The following DHX38 variants were observed in gnomAD, a reference collection of about 807,000 sequenced individuals.
DHX38 encodes the protein DEAH-box helicase 38.
A neutral mutation model predicts 153.1 loss-of-function variants in DHX38; 100 were observed. The observed-to-expected ratio is 0.65, with a 90% CI of 0.56 to 0.77. The LOEUF is 0.77. DHX38 is among the 30% of genes least tolerant of loss of function. The probability of loss-of-function intolerance (pLI) is 0.00; values close to 1 mark genes in which losing one functional copy is unlikely to be tolerated. For missense variants in DHX38, 1,440 were observed against 1,654.0 expected, an observed-to-expected ratio of 0.87 and a Z score of 2.24; for synonymous variants, 650 against 631.7, an observed-to-expected ratio of 1.03 and a Z score of -0.43.
At position 72,108,029 on chromosome 16, in the gene DHX38, A is replaced by G. The variant is rs540653842; in HGVS notation, c.2965-198A>G. Among the ~76,000 whole-genome samples, 6 of 152,174 alleles carry G rather than the reference A, an allele frequency of 3.9e-5. No individual in the cohort carries two copies. The East Asian group carries it at 1.2e-3, about 29-fold the overall frequency. On this transcript the variant is annotated intron_variant, in intron 21 of 26. Transcript: ENST00000268482. ...GCAAGAGCATTTTTTATCTTCTAGT[A>G]TGGTTGCTCTTGAGCCCTCATGTTT...
At chr16:72,109,603 A>G (rs1037088489) in intron 25 of DHX38, 93 bp downstream of exon 25, 6 of 1,179,130 alleles carry the variant, frequency 5.1e-6, no homozygotes, top group African/African-American at 1.6e-5. Flanking sequence ...CATCCAACCC[A>G]CTTACTTCTC....
rs1202068631 is a variant in DHX38, at chr16:72,111,096, G to T, written c.3599+19G>T. 2 of 1,545,180 alleles carry T rather than the reference G, an allele frequency of 1.3e-6. No individual in the cohort carries two copies. The highest frequency in any genetic ancestry group is 2.4e-5 in the South Asian group (2 of 83,132). On this transcript the variant is annotated intron_variant, in intron 26 of 26. Transcript: ENST00000268482. ...GTGTCAGGTGAGCTCCGGCCTTCGG[G>T]CTCTGGCTGGGGTGGCACCCATCCC...
chr16:72,112,860 A>AAT lies in DHX38; in HGVS notation c.*364_*365dup, dbSNP rs1184804675. 1.4e-6 allele frequency: 1 copy of AAT among 700,666 alleles called. No individual in the cohort carries two copies. The highest frequency in any genetic ancestry group is 2.7e-5 in the East Asian group (1 of 37,278). 43.4% of individuals were successfully genotyped at this position (700,666 alleles called of 1,614,324 possible). On this transcript the variant is annotated 3_prime_UTR_variant, in exon 27 of 27. Coordinates refer to ENST00000268482, the MANE Select transcript of DHX38 (RefSeq NM_014003.4). ...GCAAAAAAGACCTAAAGGGAATTGTAATTTGGTTATAATTCAGGATTTGGA... is the reference window on the plus strand; with the variant it reads ...GCAAAAAAGACCTAAAGGGAATTGTAATATTTGGTTATAATTCAGGATTTGGA...
At chr16:72,105,687 G>A (rs1215956451) in intron 18 of DHX38, 63 bp downstream of exon 18, 88 of 1,531,012 alleles carry the variant, frequency 5.7e-5, no homozygotes, top group Non-Finnish European at 7.6e-5. Context: ...GCTGCGGGGT[G>A]GGAAGCCAGG....
intron 11 of DHX38, among the ~76,000 whole-genome samples, chr16:72,101,902 T>G (rs1301790397): frequency 6.6e-6 from 1 of 152,168 alleles, no homozygotes; most frequent in South Asian, 2.1e-4. Context: ...AGCTTGTCAG[T>G]GAGGGAGTTA....
At position 72,104,578 on chromosome 16, in the gene DHX38, C is replaced by T. The variant is rs1422323887; in HGVS notation, c.2103C>T (p.Ile701=). The T allele has an allele frequency of 6.2e-7, 1 of 1,614,198 alleles. No homozygotes were observed. The highest frequency in any genetic ancestry group is 2.2e-5 in the East Asian group (1 of 44,874). The change falls in exon 15 of 27, where the codon ATC becomes ATT. Residue 701 remains isoleucine (I), a synonymous_variant. Transcript: ENST00000268482. This position sits in a 1 kb window ranked among gnomAD's most constrained non-coding sequence, Gnocchi z 4.5. ...KFAAFFGNVP[I]FHIPGRTFPV... ...CTGCCTTTTTTGGGAATGTCCCCAT[C>T]TTCCACATCCCTGGCCGTACCTTCC...
At chr16:72,096,006 G>A (rs2042011635) in intron 1 of DHX38, 133 bp from the exon 2 acceptor site, 2 of 903,222 alleles carry the variant, frequency 2.2e-6, no homozygotes, top group Admixed American at 3.0e-5. Flanking sequence ...TTGGAGAGAG[G>A]GAGCAAAAGT....
chr16:72,103,999 A>C lies in DHX38; in HGVS notation c.1878A>C (p.Lys626Asn), dbSNP rs1437493098. 6.2e-7 allele frequency: 1 copy of C among 1,614,032 alleles called. No homozygotes were observed. Among genetic ancestry groups the C allele is most frequent in the Non-Finnish European group, 8.5e-7 (1 of 1,180,046 alleles). Residue 626 changes from lysine to asparagine, a missense_variant, in exon 14 of 27, where the codon AAA becomes AAC. Lys to Asn is a moderately conservative substitution (Grantham distance 94, BLOSUM62 0). Coordinates refer to ENST00000268482, the MANE Select transcript of DHX38 (RefSeq NM_014003.4). ...EDCTSENTLI[K>N]YMTDGILLRE... ...GCACTTCAGAGAACACCTTGATCAAATACATGACTGACGGGATCCTGCTCC... is the reference window on the plus strand; with the variant it reads ...GCACTTCAGAGAACACCTTGATCAACTACATGACTGACGGGATCCTGCTCC...
At chr16:72,105,903 T>C in intron 18 of DHX38, 102 bp from the exon 19 acceptor site, 2 of 1,082,014 alleles carry the variant, frequency 1.8e-6, no homozygotes, top group Non-Finnish European at 2.8e-6. Flanking sequence ...CTCCTGGCTC[T>C]TCCTCTGCCA....
At chr16:72,095,046 T>C (rs916802188) in intron 1 of DHX38, among the ~76,000 whole-genome samples, 1 of 152,276 alleles carries the variant, frequency 6.6e-6, no homozygotes, top group African/African-American at 2.4e-5. Flanking sequence ...TCCAGTCTGT[T>C]TGGCAATACT....
chr16:72,102,099 AGC>A (rs2042109640), intron 11 of DHX38, among the ~76,000 whole-genome samples: 1 of 152,244 alleles, frequency 6.6e-6, no homozygotes, highest in Non-Finnish European at 1.5e-5. Flanking sequence ...GAGGCATCTA[AGC>A]AGATGCTGAG....
intron 10 of DHX38, 108 bp from the exon 11 acceptor site, chr16:72,101,392 G>C: frequency 8.1e-7 from 1 of 1,233,462 alleles, no homozygotes; most frequent in Non-Finnish European, 1.1e-6. Context: ...CCAGCACTCT[G>C]GGGGAGTTTA....
chr16:72,099,688 C>T (rs754940213), intron 7 of DHX38, 44 bp from the exon 8 acceptor site: 1 of 1,609,236 alleles, frequency 6.2e-7, no homozygotes, highest in South Asian at 1.1e-5. Flanking sequence ...CGTGCATAAA[C>T]TTGATCTGTC....
At position 72,112,514 on chromosome 16, in the gene DHX38, G is replaced by A; in HGVS notation, c.*17G>A. The A allele has an allele frequency of 6.2e-7, 1 of 1,611,318 alleles. No individual in the cohort carries two copies. Among genetic ancestry groups the A allele is most frequent in the Non-Finnish European group, 8.5e-7 (1 of 1,179,936 alleles). On this transcript the variant is annotated 3_prime_UTR_variant, in exon 27 of 27. Coordinates refer to ENST00000268482, the MANE Select transcript of DHX38 (RefSeq NM_014003.4). ...GGTCTGTGAGCTGAGGCTGTCCCCA[G>A]AGAGGATGGCAGCAGGTATTGGGTC... is the stretch of plus-strand genomic sequence containing the variant.
In DHX38 at chr16:72,103,206, T is replaced by A; in HGVS notation, c.1632T>A (p.Ile544=). The A allele has an allele frequency of 6.2e-7, 1 of 1,613,488 alleles. No individual in the cohort carries two copies. The highest frequency in any genetic ancestry group is 8.5e-7 in the Non-Finnish European group (1 of 1,179,558). Residue 544 remains isoleucine (I), a synonymous_variant, in exon 12 of 27, where the codon ATT becomes ATA. Transcript: ENST00000268482. Reference sequence around the variant, plus strand: ...CAGTGCAGCAGGAGCTGCTCACTATTATCAGGTAACTTCACCCGGGGCCCA... The same window carrying A: ...CAGTGCAGCAGGAGCTGCTCACTATAATCAGGTAACTTCACCCGGGGCCCA... The part of the protein sequence containing the change: ...IFAVQQELLT[I]IRDNSIVIVV...
chr16:72,103,311 A>G, intron 12 of DHX38, 100 bp downstream of exon 12: 2 of 1,466,546 alleles, frequency 1.4e-6, no homozygotes, highest in Non-Finnish European at 9.2e-7. Flanking sequence ...CATTGCACCC[A>G]GTGGAGAAGG....
Position 72,099,809 on chromosome 16 carries a change from C to T in DHX38, c.1038C>T (p.Asp346=), listed in dbSNP as rs527510105. The T allele has an allele frequency of 1.9e-5, 30 of 1,614,064 alleles. No homozygotes were observed. The East Asian group carries it at 2.2e-4, about 12-fold the overall frequency. The change falls in exon 8 of 27, where the codon GAC becomes GAT. Residue 346 remains aspartate, a synonymous_variant. Transcript: ENST00000268482. ...ACCCGCTGGCCTACTCCTCCGAGGA[C>T]TACGTGAGGAGGCGGGAGCAGCACC... ...FHNPLAYSSE[D]YVRRREQHLH... is the part of the protein sequence containing the mutation.
At position 72,108,877 on chromosome 16, in the gene DHX38, C is replaced by T; in HGVS notation, c.3333C>T (p.Gly1111=). 6.2e-7 allele frequency: 1 copy of T among 1,613,814 alleles called. No homozygotes were observed. The highest frequency in any genetic ancestry group is 8.5e-7 in the Non-Finnish European group (1 of 1,179,894). ...LHPTSSLFGM[G]YTPDYIVYHE... ...CCACCAGCTCCCTTTTTGGAATGGGCTACACCCCAGATTACATAGTGTATC... is the reference window on the plus strand; with the variant it reads ...CCACCAGCTCCCTTTTTGGAATGGGTTACACCCCAGATTACATAGTGTATC... The change falls in exon 24 of 27, where the codon GGC becomes GGT. Residue 1111 remains glycine (G), a synonymous_variant. Coordinates refer to ENST00000268482, the MANE Select transcript of DHX38 (RefSeq NM_014003.4).
chr16:72,094,906 A>G (rs187971804), intron 1 of DHX38, among the ~76,000 whole-genome samples: 1 of 152,248 alleles, frequency 6.6e-6, no homozygotes, highest in African/African-American at 2.4e-5. Context: ...TAGAGCCTGT[A>G]TATCTTTACC....
Sources: allele counts gnomAD v4.1 joint callset (sites outside exome capture counted in the v4.1 genomes callset), GRCh38; gene constraint gnomAD v4.1.1; non-coding constraint Gnocchi (gnomAD v3.1); transcripts MANE v1.5; gene names NCBI Gene and HGNC (gene_info 2026-07-23, HGNC 2026-07-21).